The following KIF26B variants were observed in gnomAD, a reference collection of about 807,000 sequenced individuals.
The protein encoded by KIF26B is kinesin family member 26B, also known as kinesin-like protein KIF26B.
Under a neutral mutation model 151.2 loss-of-function variants are expected in KIF26B, and 63 were observed. The ratio of observed to expected loss-of-function variants is 0.42; its 90% CI spans 0.34 to 0.51. The LOEUF (loss-of-function observed/expected upper bound fraction) is 0.51. Ranked by LOEUF, KIF26B falls within the 20% of genes least tolerant of loss-of-function variation. The pLI, the probability that KIF26B is intolerant of heterozygous loss-of-function variation, is 0.07. For missense variants in KIF26B, 2,813 were observed against 2,913.6 expected (o/e 0.97, Z 0.79); for synonymous variants, 1,357 against 1,262.1 (o/e 1.08, Z -1.59).
chr1:245,343,211 G>T (rs149172546), intron 2 of KIF26B, among the ~76,000 whole-genome samples: 1,619 of 152,126 alleles, frequency 0.011, 19 homozygotes, highest in African/African-American at 0.037. Context: ...GACTTCCTTT[G>T]GTCTGTGGAG....
intron 4 of KIF26B, among the ~76,000 whole-genome samples, chr1:245,518,559 T>TA (rs1167468902): frequency 2.0e-5 from 3 of 152,240 alleles, no homozygotes; most frequent in Non-Finnish European, 4.4e-5. Flanking sequence ...CATGGGATTT[T>TA]ATACCGTGTT....
At chr1:245,607,925 A>G (rs959271401) in intron 7 of KIF26B, among the ~76,000 whole-genome samples, 181 bp downstream of exon 7, 2 of 152,232 alleles carry the variant, frequency 1.3e-5, no homozygotes, top group African/African-American at 4.8e-5. Flanking sequence ...GTAGGTGGAC[A>G]CCCATTCATG....
intron 9 of KIF26B, 140 bp downstream of exon 9, chr1:245,612,116 G>A: frequency 1.3e-6 from 1 of 779,698 alleles, no homozygotes; most frequent in East Asian, 2.7e-5. Flanking sequence ...GAGAGAGAGA[G>A]AGAGAGAGAG....
intron 3 of KIF26B, among the ~76,000 whole-genome samples, chr1:245,412,621 C>G (rs1415954603): frequency 6.6e-6 from 1 of 152,178 alleles, no homozygotes; most frequent in Non-Finnish European, 1.5e-5. Context: ...AGCCACACGT[C>G]TTTTATCTTG....
chr1:245,206,256 A>T (rs533237635), intron 2 of KIF26B, among the ~76,000 whole-genome samples: 1 of 152,340 alleles, frequency 6.6e-6, no homozygotes, highest in Non-Finnish European at 1.5e-5. Context: ...CAGAAATGGT[A>T]TATTTGGGTA....
intron 2 of KIF26B, among the ~76,000 whole-genome samples, chr1:245,330,016 A>T (rs1672068468): frequency 6.6e-6 from 1 of 152,038 alleles, no homozygotes; most frequent in Non-Finnish European, 1.5e-5. Context: ...TATGTTGCCC[A>T]GGCTGATCTT....
At chr1:245,438,840 G>C (rs1418504580) in intron 4 of KIF26B, among the ~76,000 whole-genome samples, 1 of 152,194 alleles carries the variant, frequency 6.6e-6, no homozygotes, top group Non-Finnish European at 1.5e-5. Context: ...GTGCAGGATA[G>C]ACAATAGAAA....
chr1:245,214,644 G>C (rs1669606419), intron 2 of KIF26B, among the ~76,000 whole-genome samples: 1 of 152,138 alleles, frequency 6.6e-6, no homozygotes, highest in East Asian at 1.9e-4. Context: ...TTTGAGACCA[G>C]CCTGGGCAAC....
chr1:245,253,911 G>A (rs187106592), intron 2 of KIF26B, among the ~76,000 whole-genome samples: 2,858 of 140,420 alleles, frequency 0.02, 107 homozygotes, highest in African/African-American at 0.07. Context: ...CCGGGTTCAC[G>A]CCATTCTCCT....
chr1:245,588,841 T>C (rs1261897803), intron 5 of KIF26B, among the ~76,000 whole-genome samples: 1 of 152,162 alleles, frequency 6.6e-6, no homozygotes, highest in Non-Finnish European at 1.5e-5. Context: ...GGGGGCCTTT[T>C]GGAAGAACTG....
chr1:245,392,318 TTA>T (rs1340286929), intron 3 of KIF26B, among the ~76,000 whole-genome samples: 2 of 152,234 alleles, frequency 1.3e-5, no homozygotes, highest in Non-Finnish European at 1.5e-5. Context: ...ATATTCTATA[TTA>T]TGATTTATGT....
chr1:245,302,988 CAA>C (rs74163037), intron 2 of KIF26B, among the ~76,000 whole-genome samples: 11 of 35,820 alleles, frequency 3.1e-4, no homozygotes, highest in African/African-American at 1.3e-3. Flanking sequence ...GACTCTGTCT[CAA>C]AAAAAAAAAA....
At chr1:245,562,237 G>A (rs1448746794) in intron 5 of KIF26B, among the ~76,000 whole-genome samples, 4 of 152,104 alleles carry the variant, frequency 2.6e-5, no homozygotes, top group African/African-American at 9.7e-5. Context: ...CAGCAGATTA[G>A]AGGACAGAAA....
intron 9 of KIF26B, among the ~76,000 whole-genome samples, chr1:245,640,774 GAAGAA>G (rs2043883724): frequency 6.6e-6 from 1 of 151,918 alleles, no homozygotes; most frequent in Non-Finnish European, 1.5e-5. Context: ...CATTGTAGCA[GAAGAA>G]AAGAAACAAA....
At chr1:245,440,855 A>G (rs925904965) in intron 4 of KIF26B, among the ~76,000 whole-genome samples, 2 of 152,222 alleles carry the variant, frequency 1.3e-5, no homozygotes, top group African/African-American at 4.8e-5. Context: ...GAAACACGTC[A>G]TGGGACCTCC....
chr1:245,169,116 A>T (rs1352672046), intron 2 of KIF26B, among the ~76,000 whole-genome samples: 1 of 152,090 alleles, frequency 6.6e-6, no homozygotes, highest in Non-Finnish European at 1.5e-5. Context: ...AGCCCCAGGA[A>T]CACCACTTGG....
At position 245,702,585 on chromosome 1, in the gene KIF26B, C is replaced by T. The variant is rs769160122; in HGVS notation, c.6306C>T (p.Asp2102=). 1 of 1,613,940 alleles carries T rather than the reference C, an allele frequency of 6.2e-7. No individual in the cohort carries two copies. Among genetic ancestry groups the T allele is most frequent in the Non-Finnish European group, 8.5e-7 (1 of 1,179,840 alleles). The change falls in exon 15 of 15, where the codon GAC becomes GAT. Residue 2102 remains aspartate, a synonymous_variant. Coordinates refer to ENST00000407071, the MANE Select transcript of KIF26B (RefSeq NM_018012.4). The surrounding 1 kb of genome is among the most constrained non-coding windows in gnomAD (Gnocchi z 4.1). ...ATCTCATGATGATCACCTGCTTCGA[C>T]ATCACCTCCAGGCGCCGGTAGATGA... The part of the protein sequence containing the change: ...KAHLMMITCF[D]ITSRRR
rs545031854 is a variant in KIF26B at position 245,318,744 on chromosome 1, C to A, written c.466-48090C>A. On this transcript the variant is annotated intron_variant, in intron 2 of 14. Coordinates refer to ENST00000407071, the MANE Select transcript of KIF26B (RefSeq NM_018012.4). This position sits in a 1 kb window ranked among gnomAD's most constrained non-coding sequence, Gnocchi z 4.0. ...CTCAATTCCCCAGGCTGCTGTGTGTCCGTCATCCCTGAAATTTCATGAGGC... is the reference window on the plus strand; with the variant it reads ...CTCAATTCCCCAGGCTGCTGTGTGTACGTCATCCCTGAAATTTCATGAGGC... 6.6e-6 allele frequency among the ~76,000 whole-genome samples: 1 copy of A among 152,224 alleles called. No homozygotes were observed. The highest frequency in any genetic ancestry group is 2.1e-4 in the South Asian group (1 of 4,812).
chr1:245,554,692 T>C (rs1661977693), intron 5 of KIF26B, among the ~76,000 whole-genome samples: 1 of 152,158 alleles, frequency 6.6e-6, no homozygotes, highest in Non-Finnish European at 1.5e-5. Flanking sequence ...TTTCACTGAG[T>C]ATACGCTAAT....
Sources: gnomAD v4.1 joint callset for allele counts (sites outside exome capture counted in the v4.1 genomes callset) on GRCh38, gnomAD v4.1.1 for gene constraint, Gnocchi (gnomAD v3.1) non-coding constraint, MANE v1.5 for transcripts, NCBI Gene and HGNC (gene_info 2026-07-23, HGNC 2026-07-21) for gene names.